Variants in ST6GALNAC3 observed in about 807,000 individuals in gnomAD.
ST6GALNAC3 encodes ST6 N-acetylgalactosaminide alpha-2,6-sialyltransferase 3, also known as alpha-N-acetylgalactosaminide alpha-2,6-sialyltransferase 3.
ST6GALNAC3 carries 25 observed loss-of-function variants against 32.7 expected under a neutral mutation model. The ratio of observed to expected loss-of-function variants is 0.76; its 90% confidence interval spans 0.56 to 1.07. The LOEUF (loss-of-function observed/expected upper bound fraction) is 1.07. Ranked by LOEUF, ST6GALNAC3 falls within the 50% of genes least tolerant of loss-of-function variation. The pLI, the probability that ST6GALNAC3 is intolerant of heterozygous loss-of-function variation, is 0.00. For missense variants in ST6GALNAC3, 355 were observed against 382.4 expected (o/e 0.93, Z 0.60); for synonymous variants, 129 against 133.1 (o/e 0.97, Z 0.21).
rs11359719 is a variant in ST6GALNAC3, at chr1:76,454,928, A to AT, written c.623+42521dup. Among the ~76,000 whole-genome samples, 148 of 149,300 alleles carry AT rather than the reference A, an allele frequency of 9.9e-4. No homozygotes were observed. The East Asian group carries it at 0.012, about 12-fold the overall frequency. ...TTTACTTGATAATTTTCTCCTATGT[A>AT]TTTTTTTTTTCAGTTCTGTTTCTGT... On this transcript the variant is annotated intron_variant, in intron 3 of 4. Transcript: ENST00000328299.
intron 3 of ST6GALNAC3, among the ~76,000 whole-genome samples, chr1:76,573,677 C>G (rs1192540588): frequency 7.0e-6 from 1 of 142,242 alleles, no homozygotes; most frequent in Non-Finnish European, 1.5e-5. Flanking sequence ...TTTTTTTTGT[C>G]TCATAGGTGT....
intron 1 of ST6GALNAC3, among the ~76,000 whole-genome samples, chr1:76,235,915 A>T (rs35102341): frequency 6.6e-6 from 1 of 151,236 alleles, no homozygotes; most frequent in African/African-American, 2.4e-5. Context: ...TAACAATGGT[A>T]CCAGTCATGT....
chr1:76,512,030 C>T lies in ST6GALNAC3; in HGVS notation c.623+99613C>T, dbSNP rs1255121271. Among the ~76,000 whole-genome samples, 16 of 152,278 alleles carry T rather than the reference C, an allele frequency of 1.1e-4. 1 individual carries two copies. In the East Asian group the frequency reaches 3.1e-3, roughly 29 times the overall value. On this transcript the variant is annotated intron_variant, in intron 3 of 4. Transcript: ENST00000328299. ...GATCTGAGAAATATTTATCTCTCCT[C>T]ACCTTCTAAAGGTCAGAGACTGTAT...
At position 76,303,698 on chromosome 1, in the gene ST6GALNAC3, A is replaced by G. The variant is rs540483999; in HGVS notation, c.19-10107A>G. Among the ~76,000 whole-genome samples the G allele has an allele frequency of 4.6e-5, 7 of 152,154 alleles. No individual in the cohort carries two copies. In the South Asian group the frequency reaches 8.3e-4, roughly 18 times the overall value. ...AGGATTCTAGCTTTAAGTGTTGTCA[A>G]TCTCAGACAAGAGTTGATTATCTAA... On this transcript the variant is annotated intron_variant, in intron 1 of 4. Transcript: ENST00000328299.
chr1:76,442,012 A>C (rs1656644528), intron 3 of ST6GALNAC3, among the ~76,000 whole-genome samples: 1 of 152,192 alleles, frequency 6.6e-6, no homozygotes, highest in African/African-American at 2.4e-5. Flanking sequence ...CATCCACTGT[A>C]ATAAATACTA....
chr1:76,519,126 C>T (rs1330519249), intron 3 of ST6GALNAC3, among the ~76,000 whole-genome samples: 1 of 152,058 alleles, frequency 6.6e-6, no homozygotes, highest in Admixed American at 6.6e-5. Context: ...AAATTGTTGA[C>T]CGTCTTTCCT....
intron 3 of ST6GALNAC3, among the ~76,000 whole-genome samples, chr1:76,559,416 G>T (rs1236315344): frequency 6.6e-6 from 1 of 152,164 alleles, no homozygotes; most frequent in African/African-American, 2.4e-5. Context: ...TAAAACTCCT[G>T]CAGGAAAACA....
intron 2 of ST6GALNAC3, among the ~76,000 whole-genome samples, chr1:76,371,224 T>G (rs1342953058): frequency 2.6e-5 from 4 of 152,180 alleles, no homozygotes; most frequent in Non-Finnish European, 5.9e-5. Context: ...CAGATATGGG[T>G]CTCACTGTCA....
chr1:76,093,651 T>C, intron 1 of ST6GALNAC3, among the ~76,000 whole-genome samples: 1 of 152,218 alleles, frequency 6.6e-6, no homozygotes, highest in East Asian at 1.9e-4. Flanking sequence ...CTCCCCATTT[T>C]CTGCCTGAAG....
At chr1:76,121,119 C>T (rs1443868302) in intron 1 of ST6GALNAC3, among the ~76,000 whole-genome samples, 1 of 152,152 alleles carries the variant, frequency 6.6e-6, no homozygotes, top group Non-Finnish European at 1.5e-5. Context: ...CAGGACAATC[C>T]CCCCATCTCA....
intron 1 of ST6GALNAC3, among the ~76,000 whole-genome samples, chr1:76,110,868 G>A (rs1368320364): frequency 1.3e-5 from 2 of 152,222 alleles, no homozygotes; most frequent in Non-Finnish European, 2.9e-5. Flanking sequence ...GAAGACATTA[G>A]TGTCTGGGAA....
intron 3 of ST6GALNAC3, among the ~76,000 whole-genome samples, chr1:76,582,594 G>T (rs1646907513): frequency 6.6e-6 from 1 of 152,026 alleles, no homozygotes; most frequent in South Asian, 2.1e-4. Context: ...TTAACAAATG[G>T]TCATCCACAT....
At chr1:76,113,033 T>A (rs1648177096) in intron 1 of ST6GALNAC3, among the ~76,000 whole-genome samples, 1 of 152,094 alleles carries the variant, frequency 6.6e-6, no homozygotes, top group South Asian at 2.1e-4. Flanking sequence ...GCCACTGCAC[T>A]CCAGCCTGGG....
Position 76,509,734 on chromosome 1 carries a change from G to GC in ST6GALNAC3, c.623+97319dup. On this transcript the variant is annotated intron_variant, in intron 3 of 4. Transcript: ENST00000328299. This position sits in a 1 kb window ranked among gnomAD's most constrained non-coding sequence, Gnocchi z 5.5. ...TTTTTCCAGCAAAAAATGCAAGACT[G>GC]CCTACATCCTTGGCTCACGGCCCCA... Among the ~76,000 whole-genome samples, 1 of 152,246 alleles carries GC rather than the reference G, an allele frequency of 6.6e-6. No individual in the cohort carries two copies. The highest frequency in any genetic ancestry group is 2.1e-4 in the South Asian group (1 of 4,818).
At chr1:76,460,994 A>G (rs1658239899) in intron 3 of ST6GALNAC3, among the ~76,000 whole-genome samples, 2 of 152,226 alleles carry the variant, frequency 1.3e-5, no homozygotes, top group South Asian at 4.1e-4. Context: ...GCCTTGAGTA[A>G]GGTGAGTAGG....
intron 3 of ST6GALNAC3, among the ~76,000 whole-genome samples, chr1:76,587,446 C>T (rs1341023184): frequency 6.6e-6 from 1 of 152,154 alleles, no homozygotes; most frequent in African/African-American, 2.4e-5. Flanking sequence ...GGGCAAAGTT[C>T]TCTAGATGCT....
At chr1:76,611,220 C>T (rs1647911931) in intron 3 of ST6GALNAC3, among the ~76,000 whole-genome samples, 1 of 151,376 alleles carries the variant, frequency 6.6e-6, no homozygotes, top group African/African-American at 2.4e-5. Context: ...TCAGATACTT[C>T]AATATATTAA....
chr1:76,292,562 T>G (rs17671689), intron 1 of ST6GALNAC3, among the ~76,000 whole-genome samples: 50,097 of 152,178 alleles, frequency 0.33, 9,000 homozygotes, highest in Non-Finnish European at 0.41. Flanking sequence ...TTGCAATTTT[T>G]AAAGGAAGTG....
chr1:76,083,522 G>A (rs985403164), intron 1 of ST6GALNAC3, among the ~76,000 whole-genome samples: 21 of 152,338 alleles, frequency 1.4e-4, no homozygotes, highest in African/African-American at 4.8e-4. Context: ...CCGACTCTGA[G>A]TCCCATCCTG....
Sources: gnomAD v4.1 joint callset for allele counts (sites outside exome capture counted in the v4.1 genomes callset) on GRCh38, gnomAD v4.1.1 for gene constraint, Gnocchi (gnomAD v3.1) non-coding constraint, MANE v1.5 for transcripts, NCBI Gene and HGNC (gene_info 2026-07-23, HGNC 2026-07-21) for gene names.